Variants in TCF12 observed in about 807,000 individuals in gnomAD.
TCF12 encodes DNA-binding protein HTF4.
A neutral mutation model predicts 86.0 loss-of-function variants in TCF12; 45 were observed. The ratio of observed to expected loss-of-function variants is 0.52; its 90% CI spans 0.41 to 0.67. TCF12 has a LOEUF of 0.67. Among genes scored for constraint, TCF12 ranks in the 30% least tolerant of loss-of-function variants. TCF12 has a pLI of 0.00. For missense variants in TCF12, 881 were observed against 859.9 expected (o/e 1.02, Z -0.31); for synonymous variants, 330 against 299.6 (o/e 1.10, Z -1.05).
chr15:56,946,580 C>G (rs1157145150), intron 3 of TCF12, among the ~76,000 whole-genome samples: 10 of 152,016 alleles, frequency 6.6e-5, no homozygotes, highest in Admixed American at 3.3e-4. Flanking sequence ...GATTTTTCTT[C>G]TGGTTATGGG....
At chr15:57,104,589 G>T (rs1375536564) in intron 5 of TCF12, among the ~76,000 whole-genome samples, 2 of 150,242 alleles carry the variant, frequency 1.3e-5, no homozygotes, top group Non-Finnish European at 3.0e-5. Flanking sequence ...CTACAGGCGC[G>T]CACACCCAGC....
chr15:57,005,103 G>T (rs989933315), intron 3 of TCF12, among the ~76,000 whole-genome samples: 1 of 152,266 alleles, frequency 6.6e-6, no homozygotes, highest in Admixed American at 6.5e-5. Flanking sequence ...GAAGACATAT[G>T]ATCAGGGTGT....
At chr15:56,990,411 A>C (rs1369785309) in intron 3 of TCF12, among the ~76,000 whole-genome samples, 1 of 152,114 alleles carries the variant, frequency 6.6e-6, no homozygotes, top group African/African-American at 2.4e-5. Context: ...AGAAACTTAT[A>C]GACTTGTAGT....
At chr15:57,164,001 A>G (rs2054682061) in intron 5 of TCF12, among the ~76,000 whole-genome samples, 1 of 152,304 alleles carries the variant, frequency 6.6e-6, no homozygotes, top group Non-Finnish European at 1.5e-5. Flanking sequence ...TGCAAAAAAC[A>G]GAAGATTGTG....
At chr15:57,197,189 T>C (rs1000643398) in intron 7 of TCF12, among the ~76,000 whole-genome samples, 6 of 125,724 alleles carry the variant, frequency 4.8e-5, no homozygotes, top group African/African-American at 1.8e-4. Context: ...AGAGGTTCTC[T>C]CTTGTTACCC....
At chr15:57,284,990 CAT>C (rs1308269179) in intron 20 of TCF12, among the ~76,000 whole-genome samples, 11 of 152,224 alleles carry the variant, frequency 7.2e-5, no homozygotes, top group African/African-American at 2.4e-4. Flanking sequence ...AGATATGAGA[CAT>C]GTAGTGAATG....
intron 4 of TCF12, among the ~76,000 whole-genome samples, chr15:57,084,258 GA>G (rs1431477591): frequency 2.0e-5 from 3 of 152,166 alleles, no homozygotes; most frequent in Non-Finnish European, 4.4e-5. Flanking sequence ...ATTTTCTTGG[GA>G]GGGGGACAGT....
chr15:56,956,274 G>T (rs1445881897), intron 3 of TCF12, among the ~76,000 whole-genome samples: 1 of 151,198 alleles, frequency 6.6e-6, no homozygotes, highest in Non-Finnish European at 1.5e-5. Flanking sequence ...TATCTCGTGT[G>T]TTCTTTGGTT....
At chr15:57,032,225 G>A (rs1357609045) in intron 3 of TCF12, among the ~76,000 whole-genome samples, 2 of 152,130 alleles carry the variant, frequency 1.3e-5, no homozygotes, top group Non-Finnish European at 2.9e-5. Context: ...AACTCCACCA[G>A]GTTGTAGACT....
chr15:56,920,809 G>A (rs1034812921), intron 2 of TCF12, among the ~76,000 whole-genome samples: 2 of 152,138 alleles, frequency 1.3e-5, no homozygotes, highest in Non-Finnish European at 2.9e-5. Flanking sequence ...CCATGTAAAT[G>A]ATCGGGTCTT....
At chr15:56,975,637 TTTTG>T (rs140692439) in intron 3 of TCF12, among the ~76,000 whole-genome samples, 9 of 151,590 alleles carry the variant, frequency 5.9e-5, no homozygotes, top group Non-Finnish European at 1.2e-4. Context: ...TAGGGGTTTT[TTTTG>T]TTTGTTTGTT....
At chr15:57,259,500 GC>G (rs1322006416) in intron 16 of TCF12, among the ~76,000 whole-genome samples, 1 of 152,188 alleles carries the variant, frequency 6.6e-6, no homozygotes, top group African/African-American at 2.4e-5. Flanking sequence ...CATTGTGAAT[GC>G]TAAAGCCATC....
At chr15:57,086,251 A>G (rs1309756892) in intron 4 of TCF12, among the ~76,000 whole-genome samples, 23 of 150,164 alleles carry the variant, frequency 1.5e-4, no homozygotes, top group African/African-American at 5.1e-4. Flanking sequence ...TATAATGACT[A>G]GTGTTTATTA....
At chr15:57,149,342 A>G (rs1227770779) in intron 5 of TCF12, among the ~76,000 whole-genome samples, 3 of 152,236 alleles carry the variant, frequency 2.0e-5, no homozygotes, top group Non-Finnish European at 2.9e-5. Context: ...ACTGGTCACA[A>G]CATGCCAAAG....
intron 4 of TCF12, among the ~76,000 whole-genome samples, chr15:57,084,345 T>C (rs1428012146): frequency 6.6e-5 from 10 of 152,302 alleles, no homozygotes; most frequent in Admixed American, 3.3e-4. Flanking sequence ...AGTGGAATTA[T>C]GGTTTTACAA....
chr15:57,134,173 C>G (rs1279674699), intron 5 of TCF12: 1 of 152,010 alleles, frequency 6.6e-6, no homozygotes, highest in Non-Finnish European at 1.5e-5. Context: ...AATCTTAGTC[C>G]TTTTTCATAA....
intron 4 of TCF12, among the ~76,000 whole-genome samples, chr15:57,081,277 G>C (rs565579291): frequency 1.3e-5 from 2 of 152,176 alleles, no homozygotes; most frequent in East Asian, 3.9e-4. Context: ...AGTTCTATCG[G>C]GGAGCAGTTA....
chr15:57,161,158 C>T (rs1370774248), intron 5 of TCF12, among the ~76,000 whole-genome samples: 1 of 152,204 alleles, frequency 6.6e-6, no homozygotes, highest in African/African-American at 2.4e-5. Flanking sequence ...TCCACTCCCA[C>T]CTTCACTGTG....
intron 2 of TCF12, among the ~76,000 whole-genome samples, chr15:56,920,409 C>T (rs916816356): frequency 1.1e-4 from 16 of 151,780 alleles, no homozygotes; most frequent in Admixed American, 4.6e-4. Flanking sequence ...TGAAAGATGT[C>T]AGCGACAAGA....
Sources: allele counts gnomAD v4.1 joint callset (sites outside exome capture counted in the v4.1 genomes callset), GRCh38; gene constraint gnomAD v4.1.1; transcripts MANE v1.5; gene names NCBI Gene and HGNC (gene_info 2026-07-23, HGNC 2026-07-21).